Variants in ERBB3 observed in about 807,000 individuals in gnomAD.
The protein encoded by ERBB3 is receptor tyrosine-protein kinase erbB-3.
In ERBB3, 96 loss-of-function variants were observed where a neutral mutation model predicts 156.7. The ratio of observed to expected loss-of-function variants is 0.61; its 90% CI spans 0.52 to 0.73. ERBB3 has a LOEUF of 0.73. Among genes scored for constraint, ERBB3 ranks in the 30% least tolerant of loss-of-function variants. The probability of loss-of-function intolerance (pLI) is 0.00; values close to 1 mark genes in which losing one functional copy is unlikely to be tolerated. For synonymous variants in ERBB3, 567 were observed against 632.0 expected (o/e 0.90, Z 1.54); for missense variants, 1,406 against 1,709.4 (o/e 0.82, Z 3.13).
In ERBB3 at chr12:56,099,824, A is replaced by G. The variant is rs779029750; in HGVS notation, c.2938-14A>G. 1.9e-6 allele frequency: 3 copies of G among 1,613,964 alleles called. No homozygotes were observed. The East Asian group carries it at 6.7e-5, about 36-fold the overall frequency. On this transcript the variant is annotated splice_polypyrimidine_tract_variant and intron_variant, in intron 24 of 27. Coordinates refer to ENST00000267101, the MANE Select transcript of ERBB3 (RefSeq NM_001982.4). ...GGAACCAGGATTCCCCCTAACAATC[A>G]CCTATCGATATAGAGAGAGAGTGGG...
intron 23 of ERBB3, among the ~76,000 whole-genome samples, chr12:56,099,283 C>G (rs1461287579): frequency 6.6e-6 from 1 of 151,038 alleles, no homozygotes; most frequent in South Asian, 2.1e-4. Context: ...TGACTTCCCT[C>G]TGTACTCCTC....
intron 17 of ERBB3, 53 bp from the exon 18 acceptor site, chr12:56,096,450 G>C (rs1868890868): frequency 8.1e-6 from 13 of 1,611,870 alleles, no homozygotes; most frequent in Non-Finnish European, 1.1e-5. Context: ...GCGGGTTGGA[G>C]TGGGACATGG....
intron 16 of ERBB3, 111 bp from the exon 17 acceptor site, chr12:56,095,554 A>T: frequency 7.7e-7 from 1 of 1,292,390 alleles, no homozygotes; most frequent in Middle Eastern, 1.9e-4. Context: ...TATATATGTG[A>T]ATGTTAATTT....
chr12:56,092,012 T>C (rs1427845036), intron 9 of ERBB3, among the ~76,000 whole-genome samples: 1 of 150,652 alleles, frequency 6.6e-6, no homozygotes, highest in African/African-American at 2.4e-5. Flanking sequence ...AGTTCAAGGT[T>C]ACAGTGAGCT....
chr12:56,096,143 TA>T, intron 17 of ERBB3: 1 of 506,466 alleles, frequency 2.0e-6, no homozygotes, highest in East Asian at 3.6e-5. Flanking sequence ...AGGATGGCTG[TA>T]AGGGTAAAGG....
In ERBB3 at chr12:56,095,652, A is replaced by T; in HGVS notation, c.1914-13A>T. 1 of 1,614,056 alleles carries T rather than the reference A, an allele frequency of 6.2e-7. No homozygotes were observed. Among genetic ancestry groups the T allele is most frequent in the Non-Finnish European group, 8.5e-7 (1 of 1,179,904 alleles). On this transcript the variant is annotated splice_polypyrimidine_tract_variant and intron_variant, in intron 16 of 27. Coordinates refer to ENST00000267101, the MANE Select transcript of ERBB3 (RefSeq NM_001982.4). ...AAACCCAGGATAATGTTGGGTTTCT[A>T]TATATCCCATAGCAAAACCCATCTG...
chr12:56,095,379 G>A, intron 16 of ERBB3, 69 bp downstream of exon 16: 1 of 1,289,796 alleles, frequency 7.8e-7, no homozygotes, highest in Non-Finnish European at 1.1e-6. Context: ...GTTACCTGGA[G>A]AGAAGAGGGA....
At chr12:56,099,057 C>G in intron 23 of ERBB3, 152 bp downstream of exon 23, 3 of 705,682 alleles carry the variant, frequency 4.3e-6, no homozygotes, top group Non-Finnish European at 7.0e-6. Context: ...CTCTCGGGTT[C>G]AAGAGATTCT....
chr12:56,081,426 G>A (rs1868352757), intron 1 of ERBB3, among the ~76,000 whole-genome samples: 1 of 152,188 alleles, frequency 6.6e-6, no homozygotes, highest in African/African-American at 2.4e-5. Context: ...GTTTGGCACA[G>A]CCAGGGCCCC....
intron 13 of ERBB3, 80 bp from the exon 14 acceptor site, chr12:56,094,019 G>A: frequency 6.4e-7 from 1 of 1,554,184 alleles, no homozygotes; most frequent in South Asian, 1.1e-5. Context: ...GATTGAGGTA[G>A]GAGACCTGTG....
chr12:56,086,226 T>C (rs1868481759), intron 3 of ERBB3, among the ~76,000 whole-genome samples: 1 of 152,018 alleles, frequency 6.6e-6, no homozygotes, highest in Non-Finnish European at 1.5e-5. Context: ...TCCCAGTCAG[T>C]TGGAAAACAT....
intron 26 of ERBB3, 106 bp downstream of exon 26, chr12:56,100,351 G>T (rs568603419): frequency 3.1e-6 from 3 of 979,346 alleles, no homozygotes; most frequent in Non-Finnish European, 5.0e-6. Context: ...CAAAAAAGAA[G>T]GCAGTGAGGG....
chr12:56,101,280 A>C lies in ERBB3; in HGVS notation c.3421A>C (p.Thr1141Pro), dbSNP rs1170241416. 6.2e-7 allele frequency: 1 copy of C among 1,613,704 alleles called. No individual in the cohort carries two copies. The highest frequency in any genetic ancestry group is 1.3e-5 in the African/African-American group (1 of 74,876). The change falls in exon 27 of 28, where the codon ACT becomes CCT. Residue 1141 changes from threonine (T) to proline (P), a missense_variant. Around this residue, in one of 3 missense-constraint regions of ERBB3, gnomAD observed 415 missense variants for 454.1 expected, o/e 0.91. Coordinates refer to ENST00000267101, the MANE Select transcript of ERBB3 (RefSeq NM_001982.4). The stretch of plus-strand genomic sequence containing the variant: ...CCATTCCCAGCGCCACAGTCTGCTG[A>C]CTCCTGTTACCCCACTCTCCCCACC... The part of the protein sequence containing the change: ...AYHSQRHSLL[T>P]PVTPLSPPGL...
rs770217913 is a variant in ERBB3, at chr12:56,098,639, C to CA, written c.2692+64_2692+65insA. On this transcript the variant is annotated intron_variant, in intron 22 of 27. Transcript: ENST00000267101. ...CCAGTTTCAAATTTACCTTTTGAGACCCCCTCTTAGAATCTCTAAGCACTT... is the reference window on the plus strand; with the variant it reads ...CCAGTTTCAAATTTACCTTTTGAGACACCCCTCTTAGAATCTCTAAGCACTT... 4 of 1,574,620 alleles carry CA rather than the reference C, an allele frequency of 2.5e-6. No individual in the cohort carries two copies. The South Asian group carries it at 3.3e-5, about 13-fold the overall frequency.
At chr12:56,094,808 C>T (rs962398325) in intron 15 of ERBB3, among the ~76,000 whole-genome samples, 12 of 152,052 alleles carry the variant, frequency 7.9e-5, no homozygotes, top group East Asian at 3.9e-4. Flanking sequence ...AAAATTAGCC[C>T]GGCGTGGTGG....
In ERBB3 at chr12:56,099,864, T is replaced by G. The variant is rs940166492; in HGVS notation, c.2964T>G (p.Pro988=). The stretch of plus-strand genomic sequence containing the variant: ...GAGAGAGTGGGCCTGGAATAGCCCC[T>G]GGGCCAGAGCCCCATGGTCTGACAA... ...IKRESGPGIA[P]GPEPHGLTNK... The change falls in exon 25 of 28, where the codon CCT becomes CCG. Residue 988 remains proline, a synonymous_variant. Coordinates refer to ENST00000267101, the MANE Select transcript of ERBB3 (RefSeq NM_001982.4). 3.7e-6 allele frequency: 6 copies of G among 1,614,070 alleles called. No homozygotes were observed. Among genetic ancestry groups the G allele is most frequent in the Non-Finnish European group, 5.1e-6 (6 of 1,180,026 alleles).
intron 21 of ERBB3, 47 bp downstream of exon 21, chr12:56,097,987 G>T: frequency 6.3e-7 from 1 of 1,595,862 alleles, no homozygotes; most frequent in South Asian, 1.1e-5. Flanking sequence ...GTGAAGCATG[G>T]GGATAGGGAG....
rs529078898 is a variant in ERBB3 at position 56,085,994 on chromosome 12, G to A, written c.422-537G>A. On this transcript the variant is annotated intron_variant, in intron 3 of 27. Coordinates refer to ENST00000267101, the MANE Select transcript of ERBB3 (RefSeq NM_001982.4). ...TGAGGCAGGAGAATGGCGTGAACCC[G>A]GGAGGCGGAGCTTGCAGTGAGCCAA... is the stretch of plus-strand genomic sequence containing the variant. Among the ~76,000 whole-genome samples, 321 of 147,310 alleles carry A rather than the reference G, an allele frequency of 2.2e-3. 4 individuals are homozygous for A. Among genetic ancestry groups the A allele is most frequent in the African/African-American group, 7.7e-3 (312 of 40,378 alleles).
chr12:56,081,918 G>A (rs1868358510), intron 1 of ERBB3, among the ~76,000 whole-genome samples: 1 of 152,222 alleles, frequency 6.6e-6, no homozygotes. Flanking sequence ...GGGTACAGCA[G>A]GGATTTTTAT....
Sources: allele counts gnomAD v4.1 joint callset (sites outside exome capture counted in the v4.1 genomes callset), GRCh38; gene constraint gnomAD v4.1.1; regional missense constraint gnomAD v4.1.1; transcripts MANE v1.5; gene names NCBI Gene and HGNC (gene_info 2026-07-23, HGNC 2026-07-21).